The following CACNA2D3 variants were observed in gnomAD, a reference collection of about 807,000 sequenced individuals.
CACNA2D3 encodes calcium voltage-gated channel auxiliary subunit alpha2delta 3.
Under a neutral mutation model 160.6 loss-of-function variants are expected in CACNA2D3, and 60 were observed. That is an observed-to-expected ratio of 0.37 (90% CI 0.30 to 0.46). The LOEUF (loss-of-function observed/expected upper bound fraction) is 0.46. Ranked by LOEUF, CACNA2D3 falls within the 20% of genes least tolerant of loss-of-function variation. CACNA2D3 has a pLI of 1.00. For missense variants in CACNA2D3, 1,205 were observed against 1,365.0 expected (o/e 0.88, Z 1.85); for synonymous variants, 558 against 492.9 (o/e 1.13, Z -1.75).
At chr3:54,917,399 T>C (rs1699012278) in intron 27 of CACNA2D3, among the ~76,000 whole-genome samples, 1 of 152,226 alleles carries the variant, frequency 6.6e-6, no homozygotes, top group Admixed American at 6.5e-5. Context: ...CTCTTGGTAA[T>C]TCCCACTCTC....
intron 11 of CACNA2D3, among the ~76,000 whole-genome samples, chr3:54,723,162 A>G (rs1206969773): frequency 2.0e-5 from 3 of 152,180 alleles, no homozygotes; most frequent in South Asian, 2.1e-4. Context: ...ACCTAGTTCA[A>G]ACTTCCCAGT....
At chr3:55,032,712 G>C (rs756222289) in intron 35 of CACNA2D3, among the ~76,000 whole-genome samples, 1 of 152,112 alleles carries the variant, frequency 6.6e-6, no homozygotes, top group Non-Finnish European at 1.5e-5. Context: ...ACAGGGGATT[G>C]GCTTGATGTG....
chr3:54,896,518 C>G (rs143022896), intron 25 of CACNA2D3: 57 of 519,156 alleles, frequency 1.1e-4, no homozygotes, highest in African/African-American at 1.0e-3. Context: ...ACTAGATATA[C>G]AAGGAAAAAT....
intron 2 of CACNA2D3, among the ~76,000 whole-genome samples, chr3:54,186,409 A>G (rs773923770): frequency 6.6e-6 from 1 of 152,176 alleles, no homozygotes; most frequent in Admixed American, 6.5e-5. Context: ...AAAGAAAGAA[A>G]TGAGGCTAGT....
At chr3:54,502,871 T>C (rs1163276426) in intron 4 of CACNA2D3, among the ~76,000 whole-genome samples, 4 of 152,232 alleles carry the variant, frequency 2.6e-5, no homozygotes, top group Non-Finnish European at 5.9e-5. Context: ...GATGATGATA[T>C]AGCCATTTGT....
intron 3 of CACNA2D3, among the ~76,000 whole-genome samples, chr3:54,333,270 C>A (rs749791113): frequency 6.6e-6 from 1 of 152,110 alleles, no homozygotes; most frequent in Non-Finnish European, 1.5e-5. Flanking sequence ...TTTCTCCCAG[C>A]GCTTCACACA....
intron 1 of CACNA2D3, 90 bp from the exon 2 acceptor site, chr3:54,123,423 A>T: frequency 1.1e-6 from 1 of 879,684 alleles, no homozygotes; most frequent in Non-Finnish European, 2.0e-6. Flanking sequence ...CTGCTCCTTC[A>T]GCCATAGTCC....
intron 2 of CACNA2D3, among the ~76,000 whole-genome samples, chr3:54,253,795 A>G (rs1702241324): frequency 6.6e-6 from 1 of 151,690 alleles, no homozygotes; most frequent in Non-Finnish European, 1.5e-5. Context: ...GTTTTTTGAG[A>G]CAGAGTCTAT....
At chr3:54,822,820 TTTCTTTCTTTCTTTTCTTTCTTTCTTTC>T (rs1703663164) in intron 14 of CACNA2D3, among the ~76,000 whole-genome samples, 1 of 112,068 alleles carries the variant, frequency 8.9e-6, no homozygotes, top group African/African-American at 4.2e-5. Flanking sequence ...TCTTTCTTTC[TTTCTTTCTTTCTTTTCTTTCTTTCTTTC>T]TTTCTTTCTT....
At chr3:54,909,361 T>G (rs181358008) in intron 27 of CACNA2D3, among the ~76,000 whole-genome samples, 1 of 152,254 alleles carries the variant, frequency 6.6e-6, no homozygotes, top group African/African-American at 2.4e-5. Context: ...TGGGGATTTA[T>G]TTAACCGCCT....
At chr3:55,021,715 G>GTGTGTATATATATATA (rs1553632885) in intron 35 of CACNA2D3, among the ~76,000 whole-genome samples, 1 of 141,416 alleles carries the variant, frequency 7.1e-6, no homozygotes, top group African/African-American at 2.7e-5. Context: ...ATATGTGTGT[G>GTGTGTATATATATATA]TATATATATA....
intron 11 of CACNA2D3, among the ~76,000 whole-genome samples, chr3:54,668,401 T>A (rs150543298): frequency 6.6e-6 from 1 of 152,266 alleles, no homozygotes; most frequent in East Asian, 1.9e-4. Context: ...TCTAATACTC[T>A]AGGGACCAAG....
intron 11 of CACNA2D3, among the ~76,000 whole-genome samples, chr3:54,697,322 GT>G (rs1172917511): frequency 6.6e-6 from 1 of 152,114 alleles, no homozygotes; most frequent in African/African-American, 2.4e-5. Flanking sequence ...TGTTTCTGAA[GT>G]TTCTAACTCT....
chr3:54,291,982 T>A (rs1703218441), intron 2 of CACNA2D3, among the ~76,000 whole-genome samples: 1 of 152,162 alleles, frequency 6.6e-6, no homozygotes, highest in Non-Finnish European at 1.5e-5. Context: ...AAAAACAACA[T>A]TAGTTTGATG....
intron 2 of CACNA2D3, among the ~76,000 whole-genome samples, chr3:54,291,604 C>A (rs547118835): frequency 1.3e-5 from 2 of 151,988 alleles, no homozygotes; most frequent in South Asian, 2.1e-4. Flanking sequence ...CTCTCCCCAG[C>A]GAAACAGAAC....
chr3:54,689,561 G>T (rs1475197633), intron 11 of CACNA2D3, among the ~76,000 whole-genome samples: 3 of 152,012 alleles, frequency 2.0e-5, no homozygotes. Context: ...TCCCCAACTG[G>T]TTCTTCCCTC....
chr3:54,159,818 G>A (rs1700310314), intron 2 of CACNA2D3, among the ~76,000 whole-genome samples: 1 of 152,056 alleles, frequency 6.6e-6, no homozygotes, highest in Non-Finnish European at 1.5e-5. Context: ...ATTTGGGGGA[G>A]ATAGACTTTA....
In CACNA2D3 at chr3:54,777,998, C is replaced by A. The variant is rs139939756; in HGVS notation, c.1380+13647C>A. 3.9e-3 allele frequency among the ~76,000 whole-genome samples: 601 copies of A among 152,332 alleles called. 5 individuals carry two copies. The highest frequency in any genetic ancestry group is 0.013 in the African/African-American group (528 of 41,578). On this transcript the variant is annotated intron_variant, in intron 13 of 37. Coordinates refer to ENST00000474759, the MANE Select transcript of CACNA2D3 (RefSeq NM_018398.3). ...ACTGCTGGCTTAAGTAGGATCACCACGGGCTTAAAACCCTCCAGGGGAGCC... is the reference window on the plus strand; with the variant it reads ...ACTGCTGGCTTAAGTAGGATCACCAAGGGCTTAAAACCCTCCAGGGGAGCC...
intron 11 of CACNA2D3, among the ~76,000 whole-genome samples, chr3:54,750,613 T>G (rs1266703231): frequency 6.6e-6 from 1 of 152,120 alleles, no homozygotes; most frequent in Non-Finnish European, 1.5e-5. Flanking sequence ...GCAACTTTGA[T>G]GAAATGAAGC....
Sources: allele counts gnomAD v4.1 joint callset (sites outside exome capture counted in the v4.1 genomes callset), GRCh38; gene constraint gnomAD v4.1.1; transcripts MANE v1.5; gene names NCBI Gene and HGNC (gene_info 2026-07-23, HGNC 2026-07-21).